ZFAND3: variants seen among roughly 807,000 people sequenced by gnomAD.
The protein encoded by ZFAND3 is zinc finger AN1-type containing 3.
ZFAND3 carries 10 observed loss-of-function variants against 29.6 expected under a neutral mutation model. That is an observed-to-expected ratio of 0.34 (90% CI 0.21 to 0.57). The LOEUF is 0.57. Among genes scored for constraint, ZFAND3 ranks in the 20% least tolerant of loss-of-function variants. The pLI, the probability that ZFAND3 is intolerant of heterozygous loss-of-function variation, is 0.86. For synonymous variants in ZFAND3, 128 were observed against 112.6 expected, an observed-to-expected ratio of 1.14 and a Z score of -0.87; for missense variants, 230 against 304.5, an observed-to-expected ratio of 0.76 and a Z score of 1.82.
chr6:37,921,882 CA>C (rs778118350), intron 1 of ZFAND3, among the ~76,000 whole-genome samples: 113 of 87,744 alleles, frequency 1.3e-3, no homozygotes, highest in Non-Finnish European at 1.3e-3. Context: ...CCCATCTCTG[CA>C]AAAAAAAAAA....
intron 1 of ZFAND3, among the ~76,000 whole-genome samples, chr6:37,891,416 T>TCCCCCCCCCCCCCCCC (rs113061455): frequency 7.7e-5 from 9 of 117,128 alleles, no homozygotes; most frequent in African/African-American, 2.7e-4. Flanking sequence ...GAGATTTCAG[T>TCCCCCCCCCCCCCCCC]CCCCCCCCCC....
chr6:37,907,708 T>A (rs1259347504), intron 1 of ZFAND3, among the ~76,000 whole-genome samples: 1 of 152,234 alleles, frequency 6.6e-6, no homozygotes, highest in Admixed American at 6.5e-5. Context: ...TGTGAGGACA[T>A]CCTCTTTCAA....
intron 1 of ZFAND3, chr6:37,833,284 A>G (rs1383464835): frequency 6.6e-6 from 1 of 152,162 alleles, no homozygotes; most frequent in Non-Finnish European, 1.5e-5. Flanking sequence ...AATTTTCACA[A>G]AGTGAATATG....
intron 1 of ZFAND3, among the ~76,000 whole-genome samples, chr6:37,860,746 G>GTT (rs201658399): frequency 5.2e-5 from 7 of 135,852 alleles, no homozygotes; most frequent in Middle Eastern, 3.8e-3. Context: ...TTTTCACCCA[G>GTT]TTTTTTTTTT....
rs914846990 is a variant in ZFAND3 at position 37,918,790 on chromosome 6, A to G, written c.72-11169A>G. Reference sequence around the variant, plus strand: ...TGTTGTTGTTCTCCCAACCCCACCTATTTTCAAAAGCAACATTGTTAGCCA... The same window carrying G: ...TGTTGTTGTTCTCCCAACCCCACCTGTTTTCAAAAGCAACATTGTTAGCCA... On this transcript the variant is annotated intron_variant, in intron 1 of 5. Coordinates refer to ENST00000287218, the MANE Select transcript of ZFAND3 (RefSeq NM_021943.3). Among the ~76,000 whole-genome samples the G allele has an allele frequency of 2.4e-4, 37 of 152,110 alleles. 1 individual carries two copies. The highest frequency in any genetic ancestry group is 8.7e-4 in the African/African-American group (36 of 41,498).
intron 4 of ZFAND3, among the ~76,000 whole-genome samples, chr6:38,112,299 G>A (rs933451227): frequency 1.3e-5 from 2 of 152,082 alleles, no homozygotes; most frequent in Non-Finnish European, 2.9e-5. Flanking sequence ...TGGAAAAAAA[G>A]AATCTGCTTT....
intron 1 of ZFAND3, among the ~76,000 whole-genome samples, chr6:37,862,052 C>G (rs1764502420): frequency 6.6e-6 from 1 of 152,070 alleles, no homozygotes; most frequent in Non-Finnish European, 1.5e-5. Context: ...AAAATGTGCT[C>G]AAAGAGGAAA....
intron 1 of ZFAND3, among the ~76,000 whole-genome samples, chr6:37,875,476 T>G (rs951640084): frequency 6.6e-6 from 1 of 152,232 alleles, no homozygotes; most frequent in Non-Finnish European, 1.5e-5. Context: ...AAATGATTTT[T>G]TTTTTTGGCC....
intron 2 of ZFAND3, among the ~76,000 whole-genome samples, chr6:37,971,081 A>G (rs977267241): frequency 1.3e-5 from 2 of 152,234 alleles, no homozygotes; most frequent in Non-Finnish European, 2.9e-5. Flanking sequence ...AGATTTGAGC[A>G]TATTCCTTTC....
At chr6:38,073,874 A>G (rs541386117) in intron 3 of ZFAND3, among the ~76,000 whole-genome samples, 2 of 152,364 alleles carry the variant, frequency 1.3e-5, no homozygotes, top group Admixed American at 1.3e-4. Context: ...CATACGTAGC[A>G]GAAATGGAAT....
chr6:38,030,736 G>A (rs1763543358), intron 2 of ZFAND3, among the ~76,000 whole-genome samples: 2 of 152,046 alleles, frequency 1.3e-5, no homozygotes, highest in African/African-American at 4.8e-5. Context: ...CAAAAACCAA[G>A]GGAGTCTATG....
At chr6:38,115,154 G>A (rs1474487442) in intron 4 of ZFAND3, among the ~76,000 whole-genome samples, 1 of 152,212 alleles carries the variant, frequency 6.6e-6, no homozygotes, top group Non-Finnish European at 1.5e-5. Context: ...AGGGCTGGGG[G>A]ACTGTGAGCA....
chr6:38,070,349 G>T (rs888788697), intron 3 of ZFAND3, among the ~76,000 whole-genome samples: 1 of 151,116 alleles, frequency 6.6e-6, no homozygotes, highest in Non-Finnish European at 1.5e-5. Flanking sequence ...GCTTGAACCC[G>T]AGAGGCGAAG....
Position 38,136,091 on chromosome 6 carries a change from A to G in ZFAND3, c.530-16144A>G, listed in dbSNP as rs575782278. Among the ~76,000 whole-genome samples the G allele has an allele frequency of 3.1e-3, 469 of 152,294 alleles. 3 individuals are homozygous for G. Among genetic ancestry groups the G allele is most frequent in the African/African-American group, 0.011 (446 of 41,558 alleles). On this transcript the variant is annotated intron_variant, in intron 5 of 5. Transcript: ENST00000287218. ...GTGTGATGGTGGGTGTGGGAAGTCC[A>G]CTGGCATTGACCTGAGAGAGGTGTT...
chr6:37,881,757 A>G (rs56159928), intron 1 of ZFAND3, among the ~76,000 whole-genome samples: 9,210 of 152,220 alleles, frequency 0.061, 343 homozygotes, highest in Non-Finnish European at 0.085. Context: ...AGGGTTTGAA[A>G]GAAAAGTTCA....
chr6:37,961,398 C>T (rs1234132411), intron 2 of ZFAND3, among the ~76,000 whole-genome samples: 1 of 152,222 alleles, frequency 6.6e-6, no homozygotes, highest in Admixed American at 6.5e-5. Context: ...CAGGATAGCA[C>T]CTCTGGCCCC....
At chr6:37,865,007 A>G (rs554165779) in intron 1 of ZFAND3, among the ~76,000 whole-genome samples, 2 of 152,192 alleles carry the variant, frequency 1.3e-5, no homozygotes, top group East Asian at 1.9e-4. Flanking sequence ...TGGTGAAACC[A>G]TGTCTTTACT....
chr6:38,039,155 T>A (rs1196681532), intron 2 of ZFAND3, among the ~76,000 whole-genome samples: 2 of 152,182 alleles, frequency 1.3e-5, no homozygotes, highest in African/African-American at 4.8e-5. Flanking sequence ...GTTAATAAAA[T>A]TTTAAAAGGT....
At chr6:37,859,810 G>T (rs1451103461) in intron 1 of ZFAND3, among the ~76,000 whole-genome samples, 1 of 143,108 alleles carries the variant, frequency 7.0e-6, no homozygotes, top group East Asian at 2.0e-4. Context: ...TTTAAAAAGG[G>T]TTTTTTTTTT....
Sources: gnomAD v4.1 joint callset for allele counts (sites outside exome capture counted in the v4.1 genomes callset) on GRCh38, gnomAD v4.1.1 for gene constraint, MANE v1.5 for transcripts, NCBI Gene and HGNC (gene_info 2026-07-23, HGNC 2026-07-21) for gene names.